CCDC30: variants seen among roughly 807,000 people sequenced by gnomAD.
The protein encoded by CCDC30 is coiled-coil domain containing 30, also known as coiled-coil domain-containing protein 30.
A neutral mutation model predicts 100.2 loss-of-function variants in CCDC30; 70 were observed. The observed-to-expected ratio is 0.70, with a 90% CI of 0.58 to 0.85. CCDC30 has a LOEUF of 0.85. Among genes scored for constraint, CCDC30 ranks in the 40% least tolerant of loss-of-function variants. The pLI, the probability that CCDC30 is intolerant of heterozygous loss-of-function variation, is 0.00. For synonymous variants in CCDC30, 233 were observed against 269.5 expected (o/e 0.86, Z 1.33); for missense variants, 652 against 771.2 (o/e 0.85, Z 1.83).
intron 6 of CCDC30, among the ~76,000 whole-genome samples, chr1:42,535,725 T>TA (rs1644890954): frequency 3.1e-5 from 3 of 97,170 alleles, no homozygotes; most frequent in East Asian, 2.7e-4. Flanking sequence ...ATATAAATTT[T>TA]AAAAAATTAA....
At chr1:42,624,581 G>C (rs879817761) in intron 11 of CCDC30, among the ~76,000 whole-genome samples, 1 of 152,162 alleles carries the variant, frequency 6.6e-6, no homozygotes, top group Non-Finnish European at 1.5e-5. Context: ...CCAGGCCCAA[G>C]CAATCCTCCC....
At chr1:42,482,388 A>G (rs1212101092) in intron 2 of CCDC30, among the ~76,000 whole-genome samples, 1 of 152,150 alleles carries the variant, frequency 6.6e-6, no homozygotes, top group Non-Finnish European at 1.5e-5. Flanking sequence ...AAGAAATAGA[A>G]CAATACACTC....
exon 11 of CCDC30, chr1:42,611,034 G>A (rs1646611926): frequency 1.9e-6 from 3 of 1,613,350 alleles, no homozygotes; most frequent in Non-Finnish European, 1.7e-6. Context: ...AGCAAGAGAA[G>A]GAAGCTCTAC....
At chr1:42,514,123 T>C (rs2148494821) in intron 6 of CCDC30, among the ~76,000 whole-genome samples, 1 of 152,340 alleles carries the variant, frequency 6.6e-6, no homozygotes, top group South Asian at 2.1e-4. Flanking sequence ...CAGATATACA[T>C]CACATTTTGT....
chr1:42,610,207 G>A (rs1449311917), intron 10 of CCDC30, among the ~76,000 whole-genome samples: 1 of 152,132 alleles, frequency 6.6e-6, no homozygotes, highest in Admixed American at 6.6e-5. Context: ...AACTATAAGT[G>A]ATAATCAATT....
intron 10 of CCDC30, among the ~76,000 whole-genome samples, chr1:42,608,087 T>C (rs889388297): frequency 7.9e-5 from 12 of 151,968 alleles, no homozygotes; most frequent in African/African-American, 2.9e-4. Flanking sequence ...ACACCATGTC[T>C]GTAATTCAGC....
At chr1:42,655,288 T>TC (rs1648619907), downstream of CCDC30, among the ~76,000 whole-genome samples, 1 of 152,136 alleles carries the variant, frequency 6.6e-6, no homozygotes, top group Non-Finnish European at 1.5e-5. Flanking sequence ...ACACCTGTGA[T>TC]CCCAGCACTT....
At chr1:42,509,067 C>T (rs1022061784) in intron 6 of CCDC30, among the ~76,000 whole-genome samples, 1 of 152,098 alleles carries the variant, frequency 6.6e-6, no homozygotes, top group Non-Finnish European at 1.5e-5. Context: ...GACTTAGCTG[C>T]GAGTGTATGA....
intron 11 of CCDC30, among the ~76,000 whole-genome samples, chr1:42,632,953 A>G (rs538413193): frequency 1.3e-5 from 2 of 151,768 alleles, no homozygotes; most frequent in South Asian, 2.1e-4. Flanking sequence ...GGGATTACAG[A>G]TGTGCGTCAC....
chr1:42,508,301 C>T (rs1644426069), intron 6 of CCDC30, among the ~76,000 whole-genome samples: 1 of 152,170 alleles, frequency 6.6e-6, no homozygotes, highest in Non-Finnish European at 1.5e-5. Context: ...CCACGCATCT[C>T]ATTGCAAGGC....
chr1:42,536,681 A>G, intron 6 of CCDC30, 80 bp downstream of exon 7: 1 of 1,054,018 alleles, frequency 9.5e-7, no homozygotes, highest in Non-Finnish European at 1.4e-6. Context: ...TAAATAAAGT[A>G]TAACTATGTG....
chr1:42,470,499 A>G (rs1404433043), intron 1 of CCDC30, among the ~76,000 whole-genome samples: 2 of 152,252 alleles, frequency 1.3e-5, no homozygotes, highest in Admixed American at 1.3e-4. Flanking sequence ...GGATTCAAAT[A>G]CTTTTACACC....
intron 6 of CCDC30, among the ~76,000 whole-genome samples, 190 bp downstream of exon 10, chr1:42,556,595 T>C (rs934325849): frequency 2.6e-5 from 4 of 152,206 alleles, no homozygotes; most frequent in African/African-American, 9.7e-5. Flanking sequence ...AAACCACATA[T>C]GGAGAATGGG....
the CCDC30 span, chr1:42,456,783 T>TC: frequency 6.2e-7 from 1 of 1,613,024 alleles, no homozygotes; most frequent in Non-Finnish European, 8.5e-7. Flanking sequence ...GCCGAGGCCT[T>TC]CCTAGCCGCC....
At chr1:42,561,129 C>T (rs1311431295) in intron 6 of CCDC30, among the ~76,000 whole-genome samples, 1 of 152,162 alleles carries the variant, frequency 6.6e-6, no homozygotes, top group Non-Finnish European at 1.5e-5. Context: ...ATTCTGATAC[C>T]AAAACCATGA....
intron 4 of CCDC30, among the ~76,000 whole-genome samples, chr1:42,494,401 C>T (rs1303655186): frequency 6.6e-6 from 1 of 151,988 alleles, no homozygotes; most frequent in Non-Finnish European, 1.5e-5. Flanking sequence ...CCATAAAAAC[C>T]CTAGAAGAAA....
At chr1:42,577,355 C>T (rs1439612970) in intron 8 of CCDC30, 126 bp downstream of exon 12, 2 of 687,928 alleles carry the variant, frequency 2.9e-6, no homozygotes, top group Non-Finnish European at 4.8e-6. Context: ...TTTTTCTCTC[C>T]CATGTTTTCT....
upstream of CCDC30, chr1:42,459,734 A>G: frequency 6.2e-7 from 1 of 1,614,208 alleles, no homozygotes; most frequent in Non-Finnish European, 8.5e-7. Context: ...AGGCTTTGGA[A>G]ATTTATCAGC....
chr1:42,605,275 T>C (rs1646480393), intron 10 of CCDC30, among the ~76,000 whole-genome samples: 1 of 152,312 alleles, frequency 6.6e-6, no homozygotes, highest in Middle Eastern at 3.4e-3. Flanking sequence ...TTTTCACCAG[T>C]GTTATTTGGT....
Sources: allele counts gnomAD v4.1 joint callset (sites outside exome capture counted in the v4.1 genomes callset), GRCh38; gene constraint gnomAD v4.1.1; transcripts MANE v1.5; gene names NCBI Gene and HGNC (gene_info 2026-07-23, HGNC 2026-07-21).